KCNQ1: variants seen among roughly 807,000 people sequenced by gnomAD.
The protein encoded by KCNQ1 is potassium voltage-gated channel subfamily KQT member 1.
A neutral mutation model predicts 72.4 loss-of-function variants in KCNQ1; 49 were observed. That is an observed-to-expected ratio of 0.68 (90% confidence interval 0.54 to 0.86). The LOEUF (loss-of-function observed/expected upper bound fraction) is 0.86, where lower values mean the gene tolerates loss of function less well. Ranked by LOEUF, KCNQ1 falls within the 40% of genes least tolerant of loss-of-function variation. The pLI is 0.00. For synonymous variants in KCNQ1, 450 were observed against 412.6 expected (o/e 1.09, Z -1.10); for missense variants, 790 against 945.1 (o/e 0.84, Z 2.15).
In KCNQ1 at chr11:2,652,160, G is replaced by T. The variant is rs772776049; in HGVS notation, c.1394-9801G>T. On this transcript the variant is annotated intron_variant, in intron 10 of 15. Transcript: ENST00000155840. This position sits in a 1 kb window ranked among gnomAD's most constrained non-coding sequence, Gnocchi z 5.9. ...TGTTTCTCAAGCCCGCGCCCTCGGG[G>T]CCTGGGGGTGGGGCCCCAGCAGATG... 9 of 398,572 alleles carry T rather than the reference G, an allele frequency of 2.3e-5. No individual in the cohort carries two copies. Among genetic ancestry groups the T allele is most frequent in the Non-Finnish European group, 4.0e-5 (9 of 226,134 alleles). 24.7% of individuals were successfully genotyped at this position (398,572 alleles called of 1,614,324 possible). A position where few individuals can be genotyped will look rare whatever the true frequency, so the allele number is the denominator to read the frequency against.
chr11:2,653,405 T>C lies in KCNQ1; in HGVS notation c.1394-8556T>C. The C allele has an allele frequency of 2.5e-6, 1 of 398,752 alleles. No homozygotes were observed. 24.7% of individuals were successfully genotyped at this position (398,752 alleles called of 1,614,324 possible). The stretch of plus-strand genomic sequence containing the variant: ...TGAAGACTCTCTTGGTAACAAATGA[T>C]GGAACCCCAACTCAAACAAGCTTAA... On this transcript the variant is annotated intron_variant, in intron 10 of 15. Transcript: ENST00000155840. The surrounding 1 kb of genome is among the most constrained non-coding windows in gnomAD (Gnocchi z 5.3).
chr11:2,847,556 C>T (rs550643054), intron 15 of KCNQ1, among the ~76,000 whole-genome samples: 2 of 152,314 alleles, frequency 1.3e-5, no homozygotes, highest in South Asian at 2.1e-4. Context: ...GGACTCCAAT[C>T]GGCACACATG....
At chr11:2,751,923 G>A (rs916002620) in intron 11 of KCNQ1, among the ~76,000 whole-genome samples, 5 of 152,132 alleles carry the variant, frequency 3.3e-5, no homozygotes, top group African/African-American at 9.7e-5. Flanking sequence ...TGAGCCCCTC[G>A]TGGATGCCCA....
chr11:2,554,382 A>G (rs1848037671), intron 2 of KCNQ1, among the ~76,000 whole-genome samples: 1 of 152,234 alleles, frequency 6.6e-6, no homozygotes, highest in African/African-American at 2.4e-5. Flanking sequence ...TGTCTTTGAA[A>G]GTATTTGTCC....
At chr11:2,840,447 A>G (rs1358333999) in intron 15 of KCNQ1, 4 of 152,256 alleles carry the variant, frequency 2.6e-5, no homozygotes, top group African/African-American at 9.6e-5. Context: ...GATAACCTGC[A>G]AAAGTAAGTC....
chr11:2,647,190 T>C lies in KCNQ1; in HGVS notation c.1394-14771T>C. 1 of 398,534 alleles carries C rather than the reference T, an allele frequency of 2.5e-6. No homozygotes were observed. 24.7% of individuals were successfully genotyped at this position (398,534 alleles called of 1,614,324 possible). A position where few individuals can be genotyped will look rare whatever the true frequency, so the allele number is the denominator to read the frequency against. ...CTTTTTTTTTTATCATGAAGAGATT[T>C]TGAATTTTATCAGATGCTTTTTCTG... On this transcript the variant is annotated intron_variant, in intron 10 of 15. Coordinates refer to ENST00000155840, the MANE Select transcript of KCNQ1 (RefSeq NM_000218.3). The surrounding 1 kb of genome is among the most constrained non-coding windows in gnomAD (Gnocchi z 4.0).
chr11:2,542,074 G>C (rs1847836652), intron 2 of KCNQ1, among the ~76,000 whole-genome samples: 1 of 152,224 alleles, frequency 6.6e-6, no homozygotes, highest in Admixed American at 6.5e-5. Flanking sequence ...CCTTGCTGGG[G>C]AAACTCCAGG....
At chr11:2,523,706 G>A (rs913120749) in intron 1 of KCNQ1, among the ~76,000 whole-genome samples, 1 of 150,804 alleles carries the variant, frequency 6.6e-6, no homozygotes, top group African/African-American at 2.4e-5. Context: ...CAGAGGAGCT[G>A]CAGGTAATTC....
At chr11:2,662,227 C>A in intron 11 of KCNQ1, 146 bp downstream of exon 11, 1 of 1,052,702 alleles carries the variant, frequency 9.5e-7, no homozygotes, top group Non-Finnish European at 1.4e-6. Context: ...CTGGCCCCAA[C>A]ACGGAGGCAC....
rs1848231025 is a variant in KCNQ1, at chr11:2,565,239, C to G, written c.478-5389C>G. On this transcript the variant is annotated intron_variant, in intron 2 of 15. Coordinates refer to ENST00000155840, the MANE Select transcript of KCNQ1 (RefSeq NM_000218.3). The surrounding 1 kb of genome is among the most constrained non-coding windows in gnomAD (Gnocchi z 5.6). ...AAGGAGCTGTGGCATTCTACATCCC[C>G]CAGCAGCACACAAGGTCCCAACTTC... 6.6e-6 allele frequency among the ~76,000 whole-genome samples: 1 copy of G among 152,182 alleles called. No individual in the cohort carries two copies. The highest frequency in any genetic ancestry group is 1.9e-4 in the East Asian group (1 of 5,188).
chr11:2,740,817 C>T (rs541191515), intron 11 of KCNQ1, among the ~76,000 whole-genome samples: 14 of 152,192 alleles, frequency 9.2e-5, no homozygotes, highest in Non-Finnish European at 1.8e-4. Context: ...GCGTCCCCTG[C>T]GGCCACGTCT....
intron 11 of KCNQ1, among the ~76,000 whole-genome samples, chr11:2,728,382 A>T (rs1023403608): frequency 6.6e-6 from 1 of 152,208 alleles, no homozygotes; most frequent in African/African-American, 2.4e-5. Context: ...AGCCGGCTGA[A>T]CGCCAACTGG....
chr11:2,733,609 C>T (rs865815678), intron 11 of KCNQ1, among the ~76,000 whole-genome samples: 32 of 152,106 alleles, frequency 2.1e-4, no homozygotes, highest in South Asian at 1.2e-3. Flanking sequence ...CAGTCGGGCA[C>T]GGTGGGCACC....
rs992544472 is a variant in KCNQ1 at position 2,813,025 on chromosome 11, C to T, written c.1795-34742C>T. 2.0e-5 allele frequency among the ~76,000 whole-genome samples: 3 copies of T among 152,266 alleles called. No individual in the cohort carries two copies. The highest frequency in any genetic ancestry group is 4.4e-5 in the Non-Finnish European group (3 of 68,044). ...CCCAGCCTGTGCCTGTGCCTGGAGG[C>T]TGTGGCCTGGCTCTCCAGCTGGAAC... On this transcript the variant is annotated intron_variant, in intron 15 of 15. Transcript: ENST00000155840. This position sits in a 1 kb window ranked among gnomAD's most constrained non-coding sequence, Gnocchi z 4.4.
chr11:2,632,690 C>A, intron 10 of KCNQ1: 1 of 398,374 alleles, frequency 2.5e-6, no homozygotes, highest in South Asian at 1.3e-4. Context: ...CTCCATCTTT[C>A]TGTGCCTAAT....
chr11:2,726,260 GATGGGCGGGAGTCTT>G (rs765743811), intron 11 of KCNQ1, among the ~76,000 whole-genome samples: 1 of 152,226 alleles, frequency 6.6e-6, no homozygotes, highest in African/African-American at 2.4e-5. Context: ...GACGTGGCAA[GATGGGCGGGAGTCTT>G]CATGAAGGAG....
rs1849210496 is a variant in KCNQ1 at position 2,623,579 on chromosome 11, A to G, written c.1393+34725A>G. The stretch of plus-strand genomic sequence containing the variant: ...AGTAATATGTTTTTTAATTACCTCC[A>G]TATCTTTTCATGGCTTGATAGCTCA... On this transcript the variant is annotated intron_variant, in intron 10 of 15. Coordinates refer to ENST00000155840, the MANE Select transcript of KCNQ1 (RefSeq NM_000218.3). The surrounding 1 kb of genome is among the most constrained non-coding windows in gnomAD (Gnocchi z 5.2). The G allele has an allele frequency of 7.5e-6, 3 of 398,382 alleles. No homozygotes were observed. The highest frequency in any genetic ancestry group is 2.1e-5 in the African/African-American group (1 of 48,604). The allele number at this position is 398,382 out of a possible 1,614,324, so 24.7% of individuals were successfully genotyped here.
rs1032063883 is a variant in KCNQ1, at chr11:2,674,471, C to T, written c.1514+12390C>T. 7 of 398,566 alleles carry T rather than the reference C, an allele frequency of 1.8e-5. 1 individual carries two copies. The highest frequency in any genetic ancestry group is 1.1e-4 in the East Asian group (3 of 28,044). 24.7% of individuals were successfully genotyped at this position (398,566 alleles called of 1,614,324 possible). A position where few individuals can be genotyped will look rare whatever the true frequency, so the allele number is the denominator to read the frequency against. On this transcript the variant is annotated intron_variant, in intron 11 of 15. Coordinates refer to ENST00000155840, the MANE Select transcript of KCNQ1 (RefSeq NM_000218.3). The surrounding 1 kb of genome is among the most constrained non-coding windows in gnomAD (Gnocchi z 5.9). ...GCACGTGGGGAGGAGGGCTGCCTGT[C>T]GAGATGTGTAAGATGGCCCCAGTGT...
At chr11:2,517,196 C>G (rs1451636349) in intron 1 of KCNQ1, among the ~76,000 whole-genome samples, 1 of 152,172 alleles carries the variant, frequency 6.6e-6, no homozygotes, top group Admixed American at 6.5e-5. Flanking sequence ...TCCAGGAGCC[C>G]CGTGCGCAGC....
Sources: gnomAD v4.1 joint callset for allele counts (sites outside exome capture counted in the v4.1 genomes callset) on GRCh38, gnomAD v4.1.1 for gene constraint, Gnocchi (gnomAD v3.1) non-coding constraint, MANE v1.5 for transcripts, NCBI Gene and HGNC (gene_info 2026-07-23, HGNC 2026-07-21) for gene names.